MSH3: variants seen among roughly 807,000 people sequenced by gnomAD.
The protein encoded by MSH3 is mutS homolog 3.
A neutral mutation model predicts 123.3 loss-of-function variants in MSH3; 106 were observed. That is an observed-to-expected ratio of 0.86 (90% CI 0.73 to 1.01). MSH3 has a LOEUF of 1.01. Among genes scored for constraint, MSH3 ranks in the 50% least tolerant of loss-of-function variants. The pLI is 0.00. For synonymous variants in MSH3, 515 were observed against 481.4 expected, an observed-to-expected ratio of 1.07 and a Z score of -0.91; for missense variants, 1,459 against 1,347.6, an observed-to-expected ratio of 1.08 and a Z score of -1.29.
chr5:80,811,692 G>A (rs1479492497), intron 19 of MSH3, among the ~76,000 whole-genome samples: 1 of 151,896 alleles, frequency 6.6e-6, no homozygotes, highest in Non-Finnish European at 1.5e-5. Flanking sequence ...CTTGTGGAAG[G>A]GCTTTTACAA....
intron 20 of MSH3, 60 bp downstream of exon 20, chr5:80,813,801 C>T (rs1745052485): frequency 9.6e-6 from 15 of 1,567,044 alleles, no homozygotes; most frequent in African/African-American, 2.7e-5. Flanking sequence ...CACATTATCG[C>T]ATGAATTTTC....
In MSH3 at chr5:80,654,861, A is replaced by G. The variant is rs1229897499; in HGVS notation, c.134A>G (p.Asp45Gly). 1 of 1,595,272 alleles carries G rather than the reference A, an allele frequency of 6.3e-7. No individual in the cohort carries two copies. Among genetic ancestry groups the G allele is most frequent in the Admixed American group, 1.7e-5 (1 of 58,648 alleles). Residue 45 changes from aspartate to glycine, a missense_variant, in exon 1 of 24, where the codon GAC (aspartate) becomes GGC (glycine). Transcript: ENST00000265081. The part of the protein sequence containing the change: ...KSTSSSTGAA[D>G]QVDPGAAAAA... ...ACCTCCTCCTCCACAGGTGCAGCCGACCAGGTGGACCCTGGCGCTGCAGCG... is the reference window on the plus strand; with the variant it reads ...ACCTCCTCCTCCACAGGTGCAGCCGGCCAGGTGGACCCTGGCGCTGCAGCG...
In MSH3 at chr5:80,654,898, CGCAGCGGCCG is replaced by C; in HGVS notation, c.172_181del (p.Ala58GlnfsTer19). 1.2e-6 allele frequency: 1 copy of C among 820,034 alleles called. No individual in the cohort carries two copies. Among genetic ancestry groups the C allele is most frequent in the Non-Finnish European group, 1.7e-6 (1 of 600,234 alleles). The allele number at this position is 820,034 out of a possible 1,614,324, so 50.8% of individuals were successfully genotyped here. On this transcript the variant is annotated frameshift_variant, in exon 1 of 24. Transcript: ENST00000265081. LOFTEE classifies it high-confidence loss of function. ...CTGGCGCTGCAGCGGCTGCAGCGGCCGCAGCGGCCGCAGCGCCCCCAGCGCCCCCAGCTCC... is the reference window on the plus strand; with the variant it reads ...CTGGCGCTGCAGCGGCTGCAGCGGCCCAGCGCCCCCAGCGCCCCCAGCTCC...
At chr5:80,719,746 A>T (rs916964768) in intron 8 of MSH3, among the ~76,000 whole-genome samples, 1 of 152,224 alleles carries the variant, frequency 6.6e-6, no homozygotes, top group Non-Finnish European at 1.5e-5. Context: ...TATAGCCTCC[A>T]TTGAGAGTCT....
intron 10 of MSH3, among the ~76,000 whole-genome samples, chr5:80,731,340 A>G (rs1320173709): frequency 6.6e-6 from 1 of 152,176 alleles, no homozygotes; most frequent in Non-Finnish European, 1.5e-5. Flanking sequence ...AACTTTTTGC[A>G]TCTCATAATT....
chr5:80,836,653 A>T (rs1311291787), intron 20 of MSH3, among the ~76,000 whole-genome samples: 1 of 151,566 alleles, frequency 6.6e-6, no homozygotes, highest in East Asian at 1.9e-4. Flanking sequence ...CACATCCCTG[A>T]TATAAAGTGG....
intron 20 of MSH3, among the ~76,000 whole-genome samples, chr5:80,833,198 T>C (rs1409237194): frequency 2.0e-5 from 3 of 149,730 alleles, no homozygotes; most frequent in African/African-American, 7.4e-5. Flanking sequence ...ATCAGAGTGA[T>C]TTTTTTTTTC....
At chr5:80,737,774 T>C (rs1284709322) in intron 10 of MSH3, among the ~76,000 whole-genome samples, 1 of 152,222 alleles carries the variant, frequency 6.6e-6, no homozygotes, top group East Asian at 1.9e-4. Context: ...AATTTATACT[T>C]ATAAATACTT....
intron 10 of MSH3, among the ~76,000 whole-genome samples, chr5:80,736,132 G>A (rs892429621): frequency 7.3e-5 from 11 of 151,718 alleles, no homozygotes; most frequent in Non-Finnish European, 1.5e-4. Context: ...AGGCTGAGGC[G>A]GGAGAATTGC....
chr5:80,687,589 A>G (rs1362720926), intron 8 of MSH3, among the ~76,000 whole-genome samples: 4 of 152,110 alleles, frequency 2.6e-5, no homozygotes, highest in African/African-American at 9.7e-5. Flanking sequence ...GGGGAAGGGT[A>G]TGTTGTGTGT....
At chr5:80,678,162 C>T (rs1393991309) in intron 7 of MSH3, among the ~76,000 whole-genome samples, 1 of 152,180 alleles carries the variant, frequency 6.6e-6, no homozygotes, top group Non-Finnish European at 1.5e-5. Flanking sequence ...CCATGGCTTT[C>T]ATAAGCATCC....
chr5:80,750,804 C>G (rs1253117749), intron 12 of MSH3, among the ~76,000 whole-genome samples: 1 of 152,130 alleles, frequency 6.6e-6, no homozygotes. Context: ...TTTCTCAAGT[C>G]TTTGCACTTG....
chr5:80,857,862 T>C (rs1218273296), intron 21 of MSH3, among the ~76,000 whole-genome samples: 1 of 152,072 alleles, frequency 6.6e-6, no homozygotes, highest in Non-Finnish European at 1.5e-5. Context: ...ATTTTCCCCA[T>C]TGCTTTCTTG....
chr5:80,744,512 A>G lies in MSH3; in HGVS notation c.1660A>G (p.Met554Val), dbSNP rs1249728982. The G allele has an allele frequency of 2.5e-6, 4 of 1,612,298 alleles. No individual in the cohort carries two copies. The highest frequency in any genetic ancestry group is 1.1e-5 in the South Asian group (1 of 90,828). Residue 554 changes from methionine (M) to valine (V), a missense_variant, in exon 12 of 24, where the codon ATG becomes GTG. Coordinates refer to ENST00000265081, the MANE Select transcript of MSH3 (RefSeq NM_002439.5). ...GTTTTCTGGTCTTTCTTAGACTGAT[A>G]TGAAAACCAAAGGAAGTTTGCTGTG... ...NLEILQNQTD[M>V]KTKGSLLWVL... is the part of the protein sequence containing the mutation.
chr5:80,813,451 G>A, intron 19 of MSH3, 133 bp from the exon 20 acceptor site: 2 of 877,274 alleles, frequency 2.3e-6, no homozygotes, highest in Non-Finnish European at 3.6e-6. Context: ...GAAGACAGAG[G>A]ACCGCTTTCC....
intron 20 of MSH3, among the ~76,000 whole-genome samples, chr5:80,834,282 C>A (rs922403643): frequency 6.6e-6 from 1 of 152,066 alleles, no homozygotes; most frequent in East Asian, 1.9e-4. Flanking sequence ...GGTTCTTAAC[C>A]AGAGCAAACA....
chr5:80,813,549 T>G (rs750208580), intron 19 of MSH3, 35 bp from the exon 20 acceptor site: 96 of 1,612,342 alleles, frequency 6.0e-5, no homozygotes, highest in Non-Finnish European at 7.9e-5. Context: ...AAAACTTTTC[T>G]GGTACAATAA....
intron 12 of MSH3, chr5:80,746,557 T>A (rs1358637045): frequency 4.7e-6 from 2 of 429,928 alleles, no homozygotes; most frequent in African/African-American, 4.1e-5. Flanking sequence ...TTTCAGGAAT[T>A]GTTGGTCCTA....
intron 4 of MSH3, 94 bp from the exon 5 acceptor site, chr5:80,672,150 G>A (rs1418468031): frequency 7.6e-6 from 7 of 917,502 alleles, no homozygotes; most frequent in Non-Finnish European, 1.0e-5. Flanking sequence ...AATCCTAAAT[G>A]TATACCTTGA....
Sources: allele counts gnomAD v4.1 joint callset (sites outside exome capture counted in the v4.1 genomes callset), GRCh38; gene constraint gnomAD v4.1.1; transcripts MANE v1.5; gene names NCBI Gene and HGNC (gene_info 2026-07-23, HGNC 2026-07-21).